IL11RA: variants seen among roughly 807,000 people sequenced by gnomAD.
IL11RA encodes the protein interleukin 11 receptor subunit alpha, also known as interleukin-11 receptor subunit alpha.
A neutral mutation model predicts 57.0 loss-of-function variants in IL11RA; 51 were observed. That is an observed-to-expected ratio of 0.89 (90% CI 0.71 to 1.13). The LOEUF (loss-of-function observed/expected upper bound fraction) is 1.13. IL11RA is among the 50% of genes most tolerant of loss of function. The probability of loss-of-function intolerance (pLI) is 0.00; values close to 1 mark genes in which losing one functional copy is unlikely to be tolerated. For missense variants in IL11RA, 498 were observed against 539.4 expected, an observed-to-expected ratio of 0.92 and a Z score of 0.76; for synonymous variants, 199 against 217.5, an observed-to-expected ratio of 0.91 and a Z score of 0.75.
intron 3 of IL11RA, among the ~76,000 whole-genome samples, chr9:34,656,202 T>G (rs554570280): frequency 1.3e-5 from 2 of 152,148 alleles, no homozygotes; most frequent in East Asian, 3.9e-4. Context: ...CGGCTAATTT[T>G]TTTTTGTATT....
intron 2 of IL11RA, 141 bp downstream of exon 2, chr9:34,655,458 G>T: frequency 1.1e-6 from 1 of 877,370 alleles, no homozygotes; most frequent in South Asian, 1.4e-5. Flanking sequence ...CCTGTTCTCT[G>T]ACCTCTGTCT....
chr9:34,654,378 TGGC>T (rs1379001103), intron 1 of IL11RA, among the ~76,000 whole-genome samples: 1 of 152,140 alleles, frequency 6.6e-6, no homozygotes, highest in Admixed American at 6.5e-5. Context: ...CTTGGTGCTG[TGGC>T]CCCCATGCCT....
intron 1 of IL11RA, 179 bp from the exon 2 acceptor site, chr9:34,655,039 C>G: frequency 1.6e-6 from 1 of 638,108 alleles, no homozygotes; most frequent in South Asian, 1.7e-5. Flanking sequence ...ACATGCAAAG[C>G]ACTGGGTATA....
Position 34,657,401 on chromosome 9 carries a change from G to A in IL11RA, c.480-20G>A. ...CACAGTAGGCATTTTCAAAGCCAAAGACCACATCCTCCCTTCTAGGAGGAG... is the reference window on the plus strand; with the variant it reads ...CACAGTAGGCATTTTCAAAGCCAAAAACCACATCCTCCCTTCTAGGAGGAG... On this transcript the variant is annotated intron_variant, in intron 6 of 12. Coordinates refer to ENST00000441545, the MANE Select transcript of IL11RA (RefSeq NM_001142784.3). 1 of 1,614,182 alleles carries A rather than the reference G, an allele frequency of 6.2e-7. No individual in the cohort carries two copies. The highest frequency in any genetic ancestry group is 8.5e-7 in the Non-Finnish European group (1 of 1,180,022).
In IL11RA at chr9:34,657,492, G is replaced by A; in HGVS notation, c.551G>A (p.Gly184Glu). The stretch of plus-strand genomic sequence containing the variant: ...GGGGCTGCCCGCTGTGTTGTCCACG[G>A]GGCTGAGTTCTGGAGCCAGTACCGG... ...PLGAARCVVH[G>E]AEFWSQYRIN... The change falls in exon 7 of 13, where the codon GGG becomes GAG. Residue 184 changes from glycine (G) to glutamate (E), a missense_variant. Transcript: ENST00000441545. 6.2e-7 allele frequency: 1 copy of A among 1,614,224 alleles called. No homozygotes were observed. Among genetic ancestry groups the A allele is most frequent in the Non-Finnish European group, 8.5e-7 (1 of 1,180,036 alleles).
Position 34,657,332 on chromosome 9 carries a change from AGAGGTAGGACGT to A in IL11RA, c.479+2_479+13del, listed in dbSNP as rs1821365063. On this transcript the variant is annotated splice_donor_variant and splice_donor_5th_base_variant and coding_sequence_variant and intron_variant, in exon 6 of 13. Coordinates refer to ENST00000441545, the MANE Select transcript of IL11RA (RefSeq NM_001142784.3). LOFTEE classifies it high-confidence loss of function. ...AAGACAGTCCTAGGAGCTGATAGCC[AGAGGTAGGACGT>A]GAGGGAGCATGTGGGGGCTCCAGCT... 2 of 1,614,190 alleles carry A rather than the reference AGAGGTAGGACGT, an allele frequency of 1.2e-6. No individual in the cohort carries two copies. Among genetic ancestry groups the A allele is most frequent in the Admixed American group, 3.3e-5 (2 of 60,032 alleles).
chr9:34,661,856 G>T lies in IL11RA; in HGVS notation c.*358G>T. On this transcript the variant is annotated 3_prime_UTR_variant, in exon 13 of 13. Transcript: ENST00000441545. Reference sequence around the variant, plus strand: ...CTTTCCCCTTGCAGGGGTTGTGCAGGTGTGAATAAAGAGAATAAGGAAGTT... The same window carrying T: ...CTTTCCCCTTGCAGGGGTTGTGCAGTTGTGAATAAAGAGAATAAGGAAGTT... 1 of 1,485,240 alleles carries T rather than the reference G, an allele frequency of 6.7e-7. No homozygotes were observed. The highest frequency in any genetic ancestry group is 9.3e-7 in the Non-Finnish European group (1 of 1,077,214). 92.0% of individuals were successfully genotyped at this position (1,485,240 alleles called of 1,614,324 possible).
At chr9:34,654,207 C>G (rs1311520695) in intron 1 of IL11RA, among the ~76,000 whole-genome samples, 2 of 152,114 alleles carry the variant, frequency 1.3e-5, no homozygotes, top group African/African-American at 4.8e-5. Flanking sequence ...CACTGCCTTC[C>G]TCCTTCTGCT....
chr9:34,655,444 C>G, intron 2 of IL11RA, 127 bp downstream of exon 2: 1 of 860,600 alleles, frequency 1.2e-6, no homozygotes, highest in Admixed American at 2.0e-5. Flanking sequence ...GGTCCTCTCT[C>G]TACCCTGTTC....
At position 34,661,495 on chromosome 9, in the gene IL11RA, G is replaced by A; in HGVS notation, c.1266G>A (p.Leu422=). 1.7e-5 allele frequency: 28 copies of A among 1,613,858 alleles called. No individual in the cohort carries two copies. The highest frequency in any genetic ancestry group is 2.2e-5 in the Non-Finnish European group (26 of 1,179,996). The change falls in exon 13 of 13, where the codon CTG becomes CTA. Residue 422 remains leucine (L), a synonymous_variant. Transcript: ENST00000441545. ...PVDRRPGAPN[L] ...TGCTTCTTCTAGGAGCTCCAAACCTGTAGAGGACCCAGGAGGGCTTCGGCA... is the reference window on the plus strand; with the variant it reads ...TGCTTCTTCTAGGAGCTCCAAACCTATAGAGGACCCAGGAGGGCTTCGGCA...
chr9:34,655,743 C>T (rs1379408647), intron 3 of IL11RA, 78 bp downstream of exon 3: 1 of 1,161,532 alleles, frequency 8.6e-7, no homozygotes, highest in East Asian at 2.4e-5. Flanking sequence ...TCCCGCCCCT[C>T]CCATCCTTGC....
intron 1 of IL11RA, chr9:34,654,990 T>G: frequency 2.0e-6 from 1 of 508,128 alleles, no homozygotes; most frequent in Non-Finnish European, 3.6e-6. Context: ...GGGGTGTGTG[T>G]GTCCGTGTGT....
chr9:34,656,638 T>A, intron 3 of IL11RA, 101 bp from the exon 4 acceptor site: 1 of 1,360,646 alleles, frequency 7.3e-7, no homozygotes, highest in Non-Finnish European at 1.0e-6. Context: ...GAATTTGGGT[T>A]CTATTGCAAA....
At chr9:34,657,627 A>G in intron 7 of IL11RA, 40 bp downstream of exon 7, 1 of 1,590,496 alleles carries the variant, frequency 6.3e-7, no homozygotes, top group African/African-American at 1.3e-5. Context: ...CCCCCATCAC[A>G]GAGACCCCAA....
Position 34,660,505 on chromosome 9 carries a change from T to TC in IL11RA, c.1075dup (p.His359ProfsTer85). 1 of 1,614,064 alleles carries TC rather than the reference T, an allele frequency of 6.2e-7. No homozygotes were observed. Among genetic ancestry groups the TC allele is most frequent in the African/African-American group, 1.3e-5 (1 of 75,042 alleles). On this transcript the variant is annotated frameshift_variant and splice_region_variant, in exon 11 of 13. Transcript: ENST00000441545. LOFTEE classifies it high-confidence loss of function. Reference sequence around the variant, plus strand: ...GTGACATGTGGCCCTCCCCCTCAGATCACAGGGACTCTGTGGAGCAGGTAG... The same window carrying TC: ...GTGACATGTGGCCCTCCCCCTCAGATCCACAGGGACTCTGTGGAGCAGGTAG...
In IL11RA at chr9:34,658,756, A is replaced by G. The variant is rs1587248052; in HGVS notation, c.810+73A>G. On this transcript the variant is annotated intron_variant, in intron 8 of 12. Coordinates refer to ENST00000441545, the MANE Select transcript of IL11RA (RefSeq NM_001142784.3). This position sits in a 1 kb window ranked among gnomAD's most constrained non-coding sequence, Gnocchi z 4.0. ...GATTTCACGATCCTGGGTGTTCTGT[A>G]TAGCTTTCCAGTGCTGGCAGGTCAC... The G allele has an allele frequency of 3.5e-5, 54 of 1,542,398 alleles. No homozygotes were observed. In the South Asian group the frequency reaches 4.8e-4, roughly 14 times the overall value.
Position 34,657,030 on chromosome 9 carries a change from T to C in IL11RA, c.332-5T>C. The C allele has an allele frequency of 6.2e-7, 1 of 1,613,930 alleles. No homozygotes were observed. Among genetic ancestry groups the C allele is most frequent in the East Asian group, 2.2e-5 (1 of 44,864 alleles). The stretch of plus-strand genomic sequence containing the variant: ...TCAGTCTCCAGGTGTACCCTCTGCC[T>C]CTAGACCCTCCAGCCCGCCCTGTTG... On this transcript the variant is annotated splice_region_variant and splice_polypyrimidine_tract_variant and intron_variant, in intron 4 of 12. Coordinates refer to ENST00000441545, the MANE Select transcript of IL11RA (RefSeq NM_001142784.3).
chr9:34,655,469 C>T, intron 2 of IL11RA, 136 bp from the exon 3 acceptor site: 1 of 898,310 alleles, frequency 1.1e-6, no homozygotes, highest in Non-Finnish European at 1.8e-6. Flanking sequence ...ACCTCTGTCT[C>T]CAGATTATAA....
rs1391364542 is a variant in IL11RA at position 34,653,390 on chromosome 9, GA to G, written c.-1+1159del. 3.3e-5 allele frequency among the ~76,000 whole-genome samples: 5 copies of G among 152,162 alleles called. No individual in the cohort carries two copies. Among genetic ancestry groups the G allele is most frequent in the Admixed American group, 1.3e-4 (2 of 15,284 alleles). On this transcript the variant is annotated intron_variant, in intron 1 of 12. Transcript: ENST00000441545. This position sits in a 1 kb window ranked among gnomAD's most constrained non-coding sequence, Gnocchi z 4.5. ...GCATTTCCTGGTGCTGGGGCCCAAA[GA>G]ATGGAGGGGGAGGTGAGAAATGGCT...
Sources: gnomAD v4.1 joint callset for allele counts (sites outside exome capture counted in the v4.1 genomes callset) on GRCh38, gnomAD v4.1.1 for gene constraint, Gnocchi (gnomAD v3.1) non-coding constraint, MANE v1.5 for transcripts, NCBI Gene and HGNC (gene_info 2026-07-23, HGNC 2026-07-21) for gene names.